The following FAM171B variants were observed in gnomAD, a reference collection of about 807,000 sequenced individuals.
The protein encoded by FAM171B is family with sequence similarity 171 member B, also known as protein FAM171B.
Under a neutral mutation model 75.6 loss-of-function variants are expected in FAM171B, and 19 were observed. The observed-to-expected ratio is 0.25, with a 90% CI of 0.18 to 0.37. FAM171B has a LOEUF of 0.37. FAM171B is among the 10% of genes least tolerant of loss of function. The probability of loss-of-function intolerance (pLI) is 1.00; values close to 1 mark genes in which losing one functional copy is unlikely to be tolerated. For synonymous variants in FAM171B, 367 were observed against 361.7 expected (o/e 1.01, Z -0.17); for missense variants, 848 against 982.4 (o/e 0.86, Z 1.83).
Position 186,761,967 on chromosome 2 carries a change from T to C in FAM171B, c.1625T>C (p.Leu542Pro). The C allele has an allele frequency of 1.2e-6, 2 of 1,613,548 alleles. No individual in the cohort carries two copies. Among genetic ancestry groups the C allele is most frequent in the Non-Finnish European group, 1.7e-6 (2 of 1,179,784 alleles). The change falls in exon 8 of 8, where the codon CTT becomes CCT. Residue 542 changes from leucine (L) to proline (P), a missense_variant. Leu to Pro is a moderately conservative substitution (Grantham distance 98). Transcript: ENST00000304698. ...ATTTACAGCCAACCCATTGCCATCC[T>C]TCAAACATCTGACCTTTTCTCCACA... ...MHIYSQPIAI[L>P]QTSDLFSTPE...
intron 1 of FAM171B, among the ~76,000 whole-genome samples, chr2:186,732,055 T>C (rs1690124177): frequency 2.0e-5 from 3 of 152,160 alleles, no homozygotes; most frequent in African/African-American, 7.2e-5. Flanking sequence ...ATGTAATGCA[T>C]TTGAATCATC....
At chr2:186,719,310 TA>T (rs1689917544) in intron 1 of FAM171B, among the ~76,000 whole-genome samples, 1 of 152,226 alleles carries the variant, frequency 6.6e-6, no homozygotes, top group African/African-American at 2.4e-5. Context: ...TTCATTGATC[TA>T]AACATACTTT....
chr2:186,719,121 G>A (rs1689915259), intron 1 of FAM171B, among the ~76,000 whole-genome samples: 1 of 152,180 alleles, frequency 6.6e-6, no homozygotes, highest in African/African-American at 2.4e-5. Context: ...TTACTAAGGT[G>A]TCAGAGAAAC....
chr2:186,719,984 T>C (rs747429388), intron 1 of FAM171B, among the ~76,000 whole-genome samples: 5 of 152,232 alleles, frequency 3.3e-5, no homozygotes, highest in Admixed American at 6.5e-5. Flanking sequence ...TAGAAATATT[T>C]AGTACCATGG....
chr2:186,708,437 T>C (rs538873469), intron 1 of FAM171B, among the ~76,000 whole-genome samples: 13 of 152,200 alleles, frequency 8.5e-5, no homozygotes, highest in Admixed American at 3.9e-4. Context: ...AGAAATAAAA[T>C]ACATCATCAT....
chr2:186,743,529 T>C lies in FAM171B; in HGVS notation c.519T>C (p.Asn173=), dbSNP rs777627299. The C allele has an allele frequency of 2.5e-6, 4 of 1,613,148 alleles. No homozygotes were observed. Among genetic ancestry groups the C allele is most frequent in the East Asian group, 4.5e-5 (2 of 44,818 alleles). Residue 173 remains asparagine (N), a synonymous_variant, in exon 3 of 8, where the codon AAT becomes AAC. Transcript: ENST00000304698. Reference sequence around the variant, plus strand: ...CACTGTTCCCGCAAAGCCAAGCAAATATATGGCTATTTGAAGACACTGTTT... The same window carrying C: ...CACTGTTCCCGCAAAGCCAAGCAAACATATGGCTATTTGAAGACACTGTTT... ...TLSLFPQSQA[N]IWLFEDTVLI...
rs778316060 is a variant in FAM171B, at chr2:186,743,550, T to A, written c.540T>A (p.Thr180=). ...SQANIWLFED[T]VLITGKLADA... ...CAAATATATGGCTATTTGAAGACAC[T>A]GTTTTAATTACTGGAAAATTAGCTG... is the stretch of plus-strand genomic sequence containing the variant. The change falls in exon 3 of 8, where the codon ACT becomes ACA. Residue 180 remains threonine (T), a synonymous_variant. Coordinates refer to ENST00000304698, the MANE Select transcript of FAM171B (RefSeq NM_177454.4). 6.2e-7 allele frequency: 1 copy of A among 1,612,658 alleles called. No individual in the cohort carries two copies. Among genetic ancestry groups the A allele is most frequent in the Admixed American group, 1.7e-5 (1 of 59,994 alleles).
At chr2:186,752,541 T>A (rs1168610352) in intron 5 of FAM171B, among the ~76,000 whole-genome samples, 1 of 152,176 alleles carries the variant, frequency 6.6e-6, no homozygotes, top group Non-Finnish European at 1.5e-5. Flanking sequence ...TATTTGGGCC[T>A]CAATTTCCTG....
Position 186,761,712 on chromosome 2 carries a change from G to T in FAM171B, c.1370G>T (p.Arg457Leu), listed in dbSNP as rs150665410. ...GAAAGAGTTTCCATGGTAAAAACTC[G>T]GGACGATTTTAAAATCTACAATGAA... The part of the protein sequence containing the change: ...TEERVSMVKT[R>L]DDFKIYNEDV... Residue 457 changes from arginine to leucine, a missense_variant, in exon 8 of 8, where the codon CGG (arginine) becomes CTG (leucine). Arg to Leu is a moderately radical substitution (Grantham distance 102). Coordinates refer to ENST00000304698, the MANE Select transcript of FAM171B (RefSeq NM_177454.4). 12 of 1,612,798 alleles carry T rather than the reference G, an allele frequency of 7.4e-6. No individual in the cohort carries two copies.
At chr2:186,736,719 G>T (rs1219374068) in intron 1 of FAM171B, among the ~76,000 whole-genome samples, 1 of 137,218 alleles carries the variant, frequency 7.3e-6, no homozygotes, top group Non-Finnish European at 1.5e-5. Flanking sequence ...TATTACAAAG[G>T]TTATATTTGT....
intron 1 of FAM171B, among the ~76,000 whole-genome samples, chr2:186,738,811 A>T (rs977074591): frequency 6.6e-6 from 1 of 152,142 alleles, no homozygotes; most frequent in Non-Finnish European, 1.5e-5. Context: ...TTTTTAATTG[A>T]TAGGAAAAAA....
intron 1 of FAM171B, among the ~76,000 whole-genome samples, chr2:186,722,704 C>A (rs1349323272): frequency 6.6e-6 from 1 of 152,114 alleles, no homozygotes; most frequent in Non-Finnish European, 1.5e-5. Context: ...TTGGGCTGTA[C>A]TAAACAGTTC....
chr2:186,762,734 A>C lies in FAM171B; in HGVS notation c.2392A>C (p.Arg798=). 2 of 1,613,338 alleles carry C rather than the reference A, an allele frequency of 1.2e-6. 1 individual carries two copies. Among genetic ancestry groups the C allele is most frequent in the South Asian group, 2.2e-5 (2 of 91,062 alleles). ...DFEANTSPTK[R]RGRPPLAKRD... Reference sequence around the variant, plus strand: ...TGAAGCTAATACATCCCCCACTAAAAGAAGGGGCAGACCACCACTAGCCAA... The same window carrying C: ...TGAAGCTAATACATCCCCCACTAAACGAAGGGGCAGACCACCACTAGCCAA... The change falls in exon 8 of 8, where the codon AGA becomes CGA. Residue 798 remains arginine (R), a synonymous_variant. Transcript: ENST00000304698. The surrounding 1 kb of genome is among the most constrained non-coding windows in gnomAD (Gnocchi z 4.0).
At chr2:186,750,196 T>C (rs960711392) in intron 4 of FAM171B, among the ~76,000 whole-genome samples, 4 of 152,332 alleles carry the variant, frequency 2.6e-5, no homozygotes, top group African/African-American at 9.6e-5. Context: ...AATTTTAACA[T>C]CTGTAATAGT....
At position 186,763,871 on chromosome 2, in the gene FAM171B, A is replaced by G. The variant is rs895870630; in HGVS notation, c.*1048A>G. The G allele has an allele frequency of 1.3e-5, 2 of 152,150 alleles. No homozygotes were observed. Among genetic ancestry groups the G allele is most frequent in the Admixed American group, 1.3e-4 (2 of 15,244 alleles). The allele number at this position is 152,150 out of a possible 1,614,324, so 9.4% of individuals were successfully genotyped here. ...TGAGGCTCAAAAATACCTTCAGGAT[A>G]GTTGTATATCCAGTTATTGATTTTC... On this transcript the variant is annotated 3_prime_UTR_variant, in exon 8 of 8. Transcript: ENST00000304698.
intron 4 of FAM171B, among the ~76,000 whole-genome samples, chr2:186,749,921 GA>G (rs144238900): frequency 3.3e-5 from 5 of 151,900 alleles, no homozygotes; most frequent in Admixed American, 6.6e-5. Context: ...TTGGGTGGGG[GA>G]AAAAACTGAT....
At chr2:186,699,633 C>G (rs990401849) in intron 1 of FAM171B, among the ~76,000 whole-genome samples, 11 of 151,974 alleles carry the variant, frequency 7.2e-5, no homozygotes, top group Non-Finnish European at 1.3e-4. Flanking sequence ...TTGATGTGAT[C>G]CCATTTAACC....
intron 1 of FAM171B, among the ~76,000 whole-genome samples, chr2:186,734,453 C>T (rs1690167302): frequency 6.6e-6 from 1 of 152,026 alleles, no homozygotes; most frequent in African/African-American, 2.4e-5. Context: ...GAGAGGATAC[C>T]TGGAGTGGGT....
chr2:186,710,734 A>G (rs1180396363), intron 1 of FAM171B, among the ~76,000 whole-genome samples: 2 of 152,172 alleles, frequency 1.3e-5, no homozygotes, highest in East Asian at 1.9e-4. Flanking sequence ...TGAAGTTTCC[A>G]TGAGGCTTCT....
Sources: gnomAD v4.1 joint callset for allele counts (sites outside exome capture counted in the v4.1 genomes callset) on GRCh38, gnomAD v4.1.1 for gene constraint, Gnocchi (gnomAD v3.1) non-coding constraint, MANE v1.5 for transcripts, NCBI Gene and HGNC (gene_info 2026-07-23, HGNC 2026-07-21) for gene names.